Variants in ABL1 observed in about 807,000 individuals in gnomAD.
ABL1 encodes ABL proto-oncogene 1, non-receptor tyrosine kinase.
Under a neutral mutation model 94.7 loss-of-function variants are expected in ABL1, and 11 were observed. The observed-to-expected ratio is 0.12, with a 90% CI of 0.07 to 0.19. The LOEUF is 0.19. ABL1 is among the 10% of genes least tolerant of loss of function. The probability of loss-of-function intolerance (pLI) is 1.00; values close to 1 mark genes in which losing one functional copy is unlikely to be tolerated. For synonymous variants in ABL1, 656 were observed against 622.4 expected, an observed-to-expected ratio of 1.05 and a Z score of -0.80; for missense variants, 1,082 against 1,489.4, an observed-to-expected ratio of 0.73 and a Z score of 4.50.
intron 1 of ABL1, among the ~76,000 whole-genome samples, chr9:130,819,448 G>A (rs1830329643): frequency 6.6e-6 from 1 of 151,938 alleles, no homozygotes; most frequent in African/African-American, 2.4e-5. Context: ...TTGAATGAAA[G>A]GGCCATTCCC....
At chr9:130,873,816 CCAATTAGCT>C (rs1831295544) in intron 6 of ABL1, among the ~76,000 whole-genome samples, 1 of 152,116 alleles carries the variant, frequency 6.6e-6, no homozygotes, top group African/African-American at 2.4e-5. Flanking sequence ...CCTTTCCTAC[CCAATTAGCT>C]CAAGTATGAA....
chr9:130,819,900 T>C (rs1381435226), intron 1 of ABL1, among the ~76,000 whole-genome samples: 2 of 151,824 alleles, frequency 1.3e-5, no homozygotes, highest in Non-Finnish European at 2.9e-5. Context: ...TCTACTTTGC[T>C]GTGACTTCTG....
intron 1 of ABL1, among the ~76,000 whole-genome samples, chr9:130,778,383 C>A (rs1055100887): frequency 6.6e-6 from 1 of 152,220 alleles, no homozygotes; most frequent in African/African-American, 2.4e-5. Flanking sequence ...GACACTGACA[C>A]ACTGCATTAA....
chr9:130,754,507 CAAAAAAAAAA>C (rs34396002), intron 1 of ABL1, among the ~76,000 whole-genome samples: 1 of 78,874 alleles, frequency 1.3e-5, no homozygotes, highest in African/African-American at 5.0e-5. Flanking sequence ...GACTCCGTCT[CAAAAAAAAAA>C]AAAAAAAAAA....
intron 1 of ABL1, among the ~76,000 whole-genome samples, chr9:130,847,753 G>A (rs916637797): frequency 6.6e-6 from 1 of 152,150 alleles, no homozygotes; most frequent in Admixed American, 6.5e-5. Flanking sequence ...AGACTGCCTT[G>A]GATCGCCTGA....
At chr9:130,826,644 G>A (rs989130993) in intron 1 of ABL1, among the ~76,000 whole-genome samples, 5 of 152,096 alleles carry the variant, frequency 3.3e-5, no homozygotes, top group African/African-American at 1.2e-4. Context: ...AGAAAGCAGG[G>A]GATGAGGCCT....
chr9:130,723,357 A>G (rs11244111), intron 1 of ABL1, among the ~76,000 whole-genome samples: 29,418 of 152,080 alleles, frequency 0.19, 3,518 homozygotes, highest in Middle Eastern at 0.38. Context: ...AGTGGCCTGG[A>G]CAACATAGCA....
chr9:130,838,772 C>A (rs1463942065), intron 1 of ABL1, among the ~76,000 whole-genome samples: 1 of 152,158 alleles, frequency 6.6e-6, no homozygotes, highest in East Asian at 1.9e-4. Context: ...GTTTTCTTTT[C>A]ATTTTATTTT....
chr9:130,716,864 C>T (rs1417784550), intron 1 of ABL1, among the ~76,000 whole-genome samples: 1 of 152,006 alleles, frequency 6.6e-6, no homozygotes, highest in East Asian at 1.9e-4. Context: ...GATTCTCCTG[C>T]CTCAGCCTCC....
intron 1 of ABL1, among the ~76,000 whole-genome samples, chr9:130,720,425 G>A (rs1447476290): frequency 6.6e-6 from 1 of 152,134 alleles, no homozygotes; most frequent in Non-Finnish European, 1.5e-5. Flanking sequence ...TTCAGGCCGA[G>A]GGAACCAGGA....
At chr9:130,793,947 C>T (rs940521345) in intron 1 of ABL1, among the ~76,000 whole-genome samples, 17 of 152,038 alleles carry the variant, frequency 1.1e-4, no homozygotes, top group Admixed American at 1.1e-3. Context: ...AATCTAATGC[C>T]TGAGGATCTC....
intron 1 of ABL1, among the ~76,000 whole-genome samples, chr9:130,844,099 G>A (rs1001478064): frequency 1.3e-5 from 2 of 152,124 alleles, no homozygotes; most frequent in Non-Finnish European, 2.9e-5. Context: ...TGGGAGACAG[G>A]GCCACCTCCC....
upstream of ABL1, chr9:130,835,004 C>G: frequency 2.8e-6 from 1 of 362,740 alleles, no homozygotes. The surrounding 1 kb of genome is among the most constrained non-coding windows in gnomAD (Gnocchi z 4.6). Flanking sequence ...CAGGCCTGCA[C>G]CCTCCCCGCC....
intron 1 of ABL1, among the ~76,000 whole-genome samples, chr9:130,760,077 G>C (rs1240173808): frequency 6.7e-6 from 1 of 148,836 alleles, no homozygotes; most frequent in Non-Finnish European, 1.5e-5. Flanking sequence ...AAACTGCTGG[G>C]ATTACAGGCA....
rs34579847 is a variant in ABL1 at position 130,727,234 on chromosome 9, G to GT, written c.136+12792dup. On this transcript the variant is annotated intron_variant, in intron 1 of 10. Coordinates refer to the ABL1 transcript ENST00000372348. ...TTACTTCATCTATAGCTTTGCTGAG[G>GT]TTTTTTTTTTTTTGTAGAGACAAGG... Among the ~76,000 whole-genome samples, 354 of 141,750 alleles carry GT rather than the reference G, an allele frequency of 2.5e-3. 2 individuals carry two copies. Among genetic ancestry groups the GT allele is most frequent in the Admixed American group, 3.4e-3 (48 of 14,078 alleles). 93.0% of individuals were successfully genotyped at this position (141,750 alleles called of 152,430 possible). A position where few individuals can be genotyped will look rare whatever the true frequency, so the allele number is the denominator to read the frequency against.
intron 1 of ABL1, among the ~76,000 whole-genome samples, chr9:130,792,866 T>G (rs1829926690): frequency 2.0e-5 from 3 of 152,168 alleles, no homozygotes; most frequent in South Asian, 4.1e-4. Flanking sequence ...AATCAGGTGC[T>G]TTTTCACTAA....
At chr9:130,828,889 A>C (rs1300320440) in intron 1 of ABL1, among the ~76,000 whole-genome samples, 1 of 152,226 alleles carries the variant, frequency 6.6e-6, no homozygotes, top group Non-Finnish European at 1.5e-5. Context: ...GTATTTTCCA[A>C]AACAGAATTA....
At chr9:130,821,837 ATTAT>A (rs1334125329) in intron 1 of ABL1, among the ~76,000 whole-genome samples, 17 of 12,906 alleles carry the variant, frequency 1.3e-3, no homozygotes, top group African/African-American at 6.2e-3. Flanking sequence ...TATTATTATT[ATTAT>A]TTTTTTTTTT....
rs770143843 is a variant in ABL1, at chr9:130,862,980, T to C, written c.767T>C (p.Val256Ala). Residue 256 changes from valine (V) to alanine (A), a missense_variant, in exon 4 of 11, where the codon GTG (valine) becomes GCG (alanine). Physicochemically the swap from Val to Ala is moderately conservative, Grantham distance 64 (BLOSUM62 0). This residue lies in a region of ABL1 where 92 missense variants were observed against 212.3 expected (regional missense o/e 0.43). Coordinates refer to ENST00000318560, the MANE Select transcript of ABL1 (RefSeq NM_005157.6). The surrounding 1 kb of genome is among the most constrained non-coding windows in gnomAD (Gnocchi z 5.5). ...CTGGGCGGGGGCCAGTACGGGGAGG[T>C]GTACGAGGGCGTGTGGAAGAAATAC... ...HKLGGGQYGEVYEGVWKKYSL... is the reference protein window; with the variant it reads ...HKLGGGQYGEAYEGVWKKYSL... 6.2e-7 allele frequency: 1 copy of C among 1,613,338 alleles called. No homozygotes were observed. The highest frequency in any genetic ancestry group is 8.5e-7 in the Non-Finnish European group (1 of 1,179,648).
Sources: gnomAD v4.1 joint callset for allele counts (sites outside exome capture counted in the v4.1 genomes callset) on GRCh38, gnomAD v4.1.1 for gene constraint, gnomAD v4.1.1 regional missense constraint, Gnocchi (gnomAD v3.1) non-coding constraint, MANE v1.5 for transcripts, NCBI Gene and HGNC (gene_info 2026-07-23, HGNC 2026-07-21) for gene names.